The following RBFOX1 variants were observed in gnomAD, a reference collection of about 807,000 sequenced individuals.
The protein encoded by RBFOX1 is RNA binding fox-1 homolog 1, also known as RNA binding protein fox-1 homolog 1.
Under a neutral mutation model 57.7 loss-of-function variants are expected in RBFOX1, and 8 were observed. That is an observed-to-expected ratio of 0.14 (90% confidence interval 0.08 to 0.25). The LOEUF is 0.25. RBFOX1 is among the 10% of genes least tolerant of loss of function. RBFOX1 has a pLI of 1.00. For synonymous variants in RBFOX1, 326 were observed against 222.4 expected (o/e 1.47, Z -4.15); for missense variants, 611 against 548.5 (o/e 1.11, Z -1.14).
intron 4 of RBFOX1, among the ~76,000 whole-genome samples, chr16:7,256,696 C>A (rs1356238970): frequency 1.3e-5 from 2 of 152,176 alleles, no homozygotes; most frequent in Non-Finnish European, 2.9e-5. Flanking sequence ...AATAATCGCT[C>A]CCTGTCTCAT....
intron 4 of RBFOX1, among the ~76,000 whole-genome samples, chr16:7,410,289 G>T (rs1323855289): frequency 6.6e-6 from 1 of 152,216 alleles, no homozygotes; most frequent in Non-Finnish European, 1.5e-5. Context: ...TACAGATACT[G>T]TTATTGCTCT....
At chr16:6,432,669 G>A (rs976487165) in intron 2 of RBFOX1, among the ~76,000 whole-genome samples, 2 of 152,042 alleles carry the variant, frequency 1.3e-5, no homozygotes, top group African/African-American at 4.8e-5. Flanking sequence ...GTAACAGATT[G>A]AGACCCTGTC....
intron 2 of RBFOX1, among the ~76,000 whole-genome samples, chr16:6,428,197 G>A (rs930653225): frequency 6.7e-6 from 1 of 148,592 alleles, no homozygotes; most frequent in African/African-American, 2.5e-5. Flanking sequence ...GAGGTGGGAG[G>A]ATCACTTGAG....
intron 3 of RBFOX1, among the ~76,000 whole-genome samples, chr16:6,707,975 A>G (rs1314103033): frequency 6.6e-6 from 1 of 152,180 alleles, no homozygotes; most frequent in East Asian, 1.9e-4. Flanking sequence ...ATTGTAAAAG[A>G]AAACCTAGAC....
chr16:5,616,615 C>T (rs1359304001), intron 3 of RBFOX1, among the ~76,000 whole-genome samples: 1 of 147,390 alleles, frequency 6.8e-6, no homozygotes, highest in Admixed American at 6.7e-5. Context: ...TTCCCTCTCT[C>T]TTCTCTCTCT....
In RBFOX1 at chr16:7,217,145, C is replaced by G. The variant is rs538167344; in HGVS notation, c.27+165047C>G. Reference sequence around the variant, plus strand: ...TCTTTTTGACAGTCTTGCTCTGTCGCTCAGGGTGGAGTGCAGTGGCACAAT... The same window carrying G: ...TCTTTTTGACAGTCTTGCTCTGTCGGTCAGGGTGGAGTGCAGTGGCACAAT... On this transcript the variant is annotated intron_variant, in intron 4 of 15. Transcript: ENST00000550418. Among the ~76,000 whole-genome samples the G allele has an allele frequency of 8.6e-5, 13 of 150,690 alleles. No homozygotes were observed. The South Asian group carries it at 2.8e-3, about 32-fold the overall frequency.
rs143335952 is a variant in RBFOX1, at chr16:6,811,870, C to G, written c.-16+157220C>G. 2.0e-5 allele frequency among the ~76,000 whole-genome samples: 3 copies of G among 152,248 alleles called. No individual in the cohort carries two copies. The East Asian group carries it at 5.8e-4, about 29-fold the overall frequency. On this transcript the variant is annotated intron_variant, in intron 3 of 15. Transcript: ENST00000550418. ...TGCCATTGCACTCGAGCCTGGGCAA[C>G]ACGAGTGAAACTCCATCTCAAAATA...
chr16:6,096,466 T>C (rs973936726), intron 1 of RBFOX1, among the ~76,000 whole-genome samples: 5 of 152,186 alleles, frequency 3.3e-5, no homozygotes. Flanking sequence ...ATGCCCTGCA[T>C]ATCCCCTGTA....
In RBFOX1 at chr16:6,192,310, A is replaced by T. The variant is rs567442180; in HGVS notation, c.-126-124685A>T. 2.6e-5 allele frequency among the ~76,000 whole-genome samples: 4 copies of T among 152,094 alleles called. No homozygotes were observed. In the South Asian group the frequency reaches 8.3e-4, roughly 32 times the overall value. ...ATGCCACATCAAAATTGGCATTGGT[A>T]GCTCGCTAATGAGTAGGTAGAGATG... On this transcript the variant is annotated intron_variant, in intron 1 of 15. Transcript: ENST00000550418.
chr16:6,943,654 G>C (rs1272477235), intron 3 of RBFOX1, among the ~76,000 whole-genome samples: 1 of 151,004 alleles, frequency 6.6e-6, no homozygotes, highest in Admixed American at 6.6e-5. Flanking sequence ...CTTGCAGTGA[G>C]CCAAGATTGC....
chr16:6,906,367 A>G (rs986964370), intron 3 of RBFOX1, among the ~76,000 whole-genome samples: 2 of 152,194 alleles, frequency 1.3e-5, no homozygotes, highest in African/African-American at 2.4e-5. Context: ...AAACTCGGTA[A>G]TAACACCGAA....
rs1555563405 is a variant in RBFOX1, at chr16:6,226,374, C to CAG, written c.-126-90620_-126-90619insGA. Among the ~76,000 whole-genome samples, 36 of 86,560 alleles carry CAG rather than the reference C, an allele frequency of 4.2e-4. No individual in the cohort carries two copies. The East Asian group carries it at 0.011, about 26-fold the overall frequency. The allele number at this position is 86,560 out of a possible 152,430, so 56.8% of individuals were successfully genotyped here. On this transcript the variant is annotated intron_variant, in intron 1 of 15. Transcript: ENST00000550418. ...GGCAACAAGAGTGAAACTCTGTCTC[C>CAG]AAAAAAAAAAAAAAAAACAAAAAAA... is the stretch of plus-strand genomic sequence containing the variant.
intron 3 of RBFOX1, among the ~76,000 whole-genome samples, chr16:5,679,826 A>C (rs1016802914): frequency 6.6e-6 from 1 of 152,178 alleles, no homozygotes; most frequent in Non-Finnish European, 1.5e-5. Context: ...TGTCTCCTTT[A>C]TAATTAACTT....
intron 2 of RBFOX1, among the ~76,000 whole-genome samples, chr16:6,504,229 C>G (rs1598406136): frequency 6.6e-6 from 1 of 152,168 alleles, no homozygotes; most frequent in Non-Finnish European, 1.5e-5. Context: ...CAACGGTGTT[C>G]TGACAAGTAT....
At chr16:6,296,151 C>T (rs1011074801) in intron 1 of RBFOX1, among the ~76,000 whole-genome samples, 1 of 152,204 alleles carries the variant, frequency 6.6e-6, no homozygotes, top group East Asian at 1.9e-4. Context: ...GAAGGTCCCT[C>T]ACTTCGCAGA....
At chr16:6,728,859 C>T (rs1305529619) in intron 3 of RBFOX1, among the ~76,000 whole-genome samples, 2 of 151,964 alleles carry the variant, frequency 1.3e-5, no homozygotes, top group East Asian at 3.9e-4. Context: ...AAACAGTGGC[C>T]AGAGAAGAAC....
intron 4 of RBFOX1, among the ~76,000 whole-genome samples, chr16:7,340,211 T>C (rs1299817992): frequency 2.0e-5 from 3 of 152,218 alleles, no homozygotes; most frequent in Non-Finnish European, 4.4e-5. Context: ...AAGCAAAATC[T>C]AGGTTCTTGT....
intron 3 of RBFOX1, among the ~76,000 whole-genome samples, chr16:6,796,565 T>C (rs1423363126): frequency 6.6e-6 from 1 of 152,192 alleles, no homozygotes; most frequent in African/African-American, 2.4e-5. Context: ...AATATTTCAT[T>C]TATCTACTTC....
In RBFOX1 at chr16:6,310,460, T is replaced by C. The variant is rs146165473; in HGVS notation, c.-126-6535T>C. On this transcript the variant is annotated intron_variant, in intron 1 of 15. Coordinates refer to ENST00000550418, the MANE Select transcript of RBFOX1 (RefSeq NM_018723.4). ...TGAAGAAGTAGGCGTAGCGCTTGGC[T>C]GTTTGGCTCCAGTAATATTTATTTA... Among the ~76,000 whole-genome samples the C allele has an allele frequency of 5.2e-3, 796 of 152,346 alleles. 9 individuals are homozygous for C. Among genetic ancestry groups the C allele is most frequent in the African/African-American group, 0.019 (774 of 41,580 alleles).
Sources: allele counts gnomAD v4.1 joint callset (sites outside exome capture counted in the v4.1 genomes callset), GRCh38; gene constraint gnomAD v4.1.1; transcripts MANE v1.5; gene names NCBI Gene and HGNC (gene_info 2026-07-23, HGNC 2026-07-21).